The following UGT1A7 variants were observed in gnomAD, a reference collection of about 807,000 sequenced individuals.
UGT1A7 encodes the protein UDP-glucuronosyltransferase 1A7.
Under a neutral mutation model 45.6 loss-of-function variants are expected in UGT1A7, and 33 were observed. The observed-to-expected ratio is 0.72, with a 90% CI of 0.55 to 0.97. The LOEUF is 0.97. Among genes scored for constraint, UGT1A7 ranks in the 50% least tolerant of loss-of-function variants. UGT1A7 has a pLI of 0.00. For synonymous variants in UGT1A7, 274 were observed against 250.6 expected (o/e 1.09, Z -0.88); for missense variants, 684 against 666.2 (o/e 1.03, Z -0.29).
chr2:233,741,046 C>A (rs1691547003), intron 1 of UGT1A7, among the ~76,000 whole-genome samples: 1 of 151,736 alleles, frequency 6.6e-6, no homozygotes, highest in African/African-American at 2.4e-5. Context: ...ATGATCTTGC[C>A]TAGGTAACAG....
chr2:233,708,355 T>C (rs1440187432), intron 1 of UGT1A7: 1 of 152,252 alleles, frequency 6.6e-6, no homozygotes, highest in African/African-American at 2.4e-5. Flanking sequence ...ATTTCCCTTA[T>C]TAATTCTTCA....
intron 1 of UGT1A7, among the ~76,000 whole-genome samples, chr2:233,733,221 G>T (rs531413389): frequency 2.6e-5 from 4 of 152,188 alleles, no homozygotes; most frequent in African/African-American, 2.4e-5. Flanking sequence ...GAGACAATGG[G>T]GTTTTCTAAA....
intron 1 of UGT1A7, chr2:233,755,034 C>T (rs1309322723): frequency 1.5e-6 from 2 of 1,316,576 alleles, no homozygotes; most frequent in Admixed American, 3.8e-5. Context: ...GGGCCTGCCG[C>T]CTGCGCAGCC....
chr2:233,729,188 G>A, intron 1 of UGT1A7: 4 of 1,613,988 alleles, frequency 2.5e-6, no homozygotes, highest in Non-Finnish European at 3.4e-6. Context: ...CTTCTCCTCA[G>A]TGTCCAGCCC....
chr2:233,742,567 C>G (rs1045281711), intron 1 of UGT1A7, among the ~76,000 whole-genome samples: 1 of 151,796 alleles, frequency 6.6e-6, no homozygotes, highest in Non-Finnish European at 1.5e-5. Flanking sequence ...AGCTTCTGGC[C>G]GGAATTGGGG....
chr2:233,714,639 G>A lies in UGT1A7; in HGVS notation c.855+31847G>A, dbSNP rs575235602. On this transcript the variant is annotated intron_variant, in intron 1 of 4. Coordinates refer to ENST00000373426, the MANE Select transcript of UGT1A7 (RefSeq NM_019077.3). ...AAAAAGAAACCACTAAAATTAATGTGAATAATGCATTTTATTTAACCAGAT... is the reference window on the plus strand; with the variant it reads ...AAAAAGAAACCACTAAAATTAATGTAAATAATGCATTTTATTTAACCAGAT... 1.5e-3 allele frequency among the ~76,000 whole-genome samples: 236 copies of A among 152,314 alleles called. 2 individuals are homozygous for A. The highest frequency in any genetic ancestry group is 5.3e-3 in the African/African-American group (221 of 41,578).
rs774552419 is a variant in UGT1A7 at position 233,767,911 on chromosome 2, G to A, written c.1050G>A (p.Lys350=). ...SNLANNTILV[K]WLPQNDLLGH... is the part of the protein sequence containing the mutation. Reference sequence around the variant, plus strand: ...TTGCGAACAACACGATACTTGTTAAGTGGCTACCCCAAAACGATCTGCTTG... The same window carrying A: ...TTGCGAACAACACGATACTTGTTAAATGGCTACCCCAAAACGATCTGCTTG... The change falls in exon 3 of 5, where the codon AAG becomes AAA. Residue 350 remains lysine (K), a synonymous_variant. Coordinates refer to ENST00000373426, the MANE Select transcript of UGT1A7 (RefSeq NM_019077.3). 13 of 1,614,068 alleles carry A rather than the reference G, an allele frequency of 8.1e-6. No homozygotes were observed. The highest frequency in any genetic ancestry group is 1.3e-5 in the African/African-American group (1 of 74,916).
chr2:233,737,607 T>A (rs970268869), intron 1 of UGT1A7, among the ~76,000 whole-genome samples: 49 of 152,170 alleles, frequency 3.2e-4, no homozygotes, highest in African/African-American at 1.2e-3. Flanking sequence ...GGTACCTCAG[T>A]TGGAAATGCA....
intron 1 of UGT1A7, among the ~76,000 whole-genome samples, chr2:233,716,212 C>A (rs1384264157): frequency 6.6e-6 from 1 of 152,184 alleles, no homozygotes; most frequent in African/African-American, 2.4e-5. Flanking sequence ...CTTTCACTTG[C>A]AAGAGCCCTT....
chr2:233,722,844 T>C (rs1216132787), intron 1 of UGT1A7, among the ~76,000 whole-genome samples: 6 of 105,740 alleles, frequency 5.7e-5, no homozygotes, highest in African/African-American at 3.6e-4. Flanking sequence ...TAAGAATGTT[T>C]CTTTTTTTTT....
intron 1 of UGT1A7, among the ~76,000 whole-genome samples, chr2:233,685,008 C>A (rs982107066): frequency 6.6e-6 from 1 of 152,050 alleles, no homozygotes; most frequent in Admixed American, 6.6e-5. Flanking sequence ...GGTGTTTGTG[C>A]ACGTATGTGT....
At chr2:233,690,827 G>A in intron 1 of UGT1A7, 1 of 1,065,762 alleles carries the variant, frequency 9.4e-7, no homozygotes, top group Non-Finnish European at 1.1e-6. Context: ...AAAGCTCACA[G>A]GAGAAAGAAA....
chr2:233,760,579 A>G (rs2125986282), intron 1 of UGT1A7: 1 of 1,614,220 alleles, frequency 6.2e-7, no homozygotes, highest in South Asian at 1.1e-5. Context: ...TCTCGGGCAT[A>G]ATGTTTTTGA....
chr2:233,702,607 C>T (rs1338677633), intron 1 of UGT1A7, among the ~76,000 whole-genome samples: 1 of 151,988 alleles, frequency 6.6e-6, no homozygotes, highest in Non-Finnish European at 1.5e-5. Context: ...TGAGTAGATG[C>T]CCCCCACATT....
intron 1 of UGT1A7, among the ~76,000 whole-genome samples, chr2:233,748,826 G>A (rs1470872637): frequency 1.3e-5 from 2 of 151,398 alleles, no homozygotes; most frequent in African/African-American, 4.9e-5. Context: ...AGGGTCTAGG[G>A]AGGAGATAAA....
intron 1 of UGT1A7, among the ~76,000 whole-genome samples, chr2:233,741,186 G>A (rs901469782): frequency 6.6e-6 from 1 of 151,878 alleles, no homozygotes; most frequent in African/African-American, 2.4e-5. Flanking sequence ...ACTTGTGTTT[G>A]CTTTCAACTG....
chr2:233,715,489 G>C (rs2076454143), intron 1 of UGT1A7, among the ~76,000 whole-genome samples: 1 of 152,016 alleles, frequency 6.6e-6, no homozygotes, highest in Non-Finnish European at 1.5e-5. Flanking sequence ...AAAATGATTT[G>C]TGTGCAAGTG....
chr2:233,761,925 G>C (rs1697902891), intron 1 of UGT1A7, among the ~76,000 whole-genome samples: 1 of 152,224 alleles, frequency 6.6e-6, no homozygotes, highest in Admixed American at 6.5e-5. Flanking sequence ...GGCAGCCCAG[G>C]CACTTCCCAG....
chr2:233,691,638 AG>A, intron 1 of UGT1A7: 1 of 985,558 alleles, frequency 1.0e-6, no homozygotes, highest in Non-Finnish European at 1.2e-6. Flanking sequence ...GTTAGCAGGC[AG>A]GGCCAGTGTG....
Sources: allele counts gnomAD v4.1 joint callset (sites outside exome capture counted in the v4.1 genomes callset), GRCh38; gene constraint gnomAD v4.1.1; transcripts MANE v1.5; gene names NCBI Gene and HGNC (gene_info 2026-07-23, HGNC 2026-07-21).